UBE2V2: variants seen among roughly 807,000 people sequenced by gnomAD.
UBE2V2 encodes ubiquitin-conjugating enzyme E2 variant 2.
Under a neutral mutation model 17.2 loss-of-function variants are expected in UBE2V2, and 9 were observed. That is an observed-to-expected ratio of 0.52 (90% CI 0.32 to 0.91). The LOEUF is 0.91. Ranked by LOEUF, UBE2V2 falls within the 40% of genes least tolerant of loss-of-function variation. The pLI, the probability that UBE2V2 is intolerant of heterozygous loss-of-function variation, is 0.04. For missense variants in UBE2V2, 133 were observed against 182.6 expected, an observed-to-expected ratio of 0.73 and a Z score of 1.56; for synonymous variants, 61 against 57.5, an observed-to-expected ratio of 1.06 and a Z score of -0.28.
At chr8:48,028,109 C>G (rs1381536720) in intron 1 of UBE2V2, among the ~76,000 whole-genome samples, 14 of 152,112 alleles carry the variant, frequency 9.2e-5, no homozygotes, top group African/African-American at 3.4e-4. Context: ...GCCTTGGCCT[C>G]CCAAAGTGCT....
rs184020860 is a variant in UBE2V2, at chr8:48,047,421, A to T, written c.166-2432A>T. ...CTGTCCCCATCTTTAAAATAGAAAC[A>T]GTGTGAGAATTAAGTGAAATAATGA... On this transcript the variant is annotated intron_variant, in intron 2 of 3. Coordinates refer to ENST00000523111, the MANE Select transcript of UBE2V2 (RefSeq NM_003350.3). Among the ~76,000 whole-genome samples, 234 of 152,352 alleles carry T rather than the reference A, an allele frequency of 1.5e-3. 3 individuals are homozygous for T. In the South Asian group the frequency reaches 0.017, roughly 11 times the overall value.
At chr8:48,056,293 G>T (rs2154508154) in intron 3 of UBE2V2, among the ~76,000 whole-genome samples, 1 of 152,156 alleles carries the variant, frequency 6.6e-6, no homozygotes, top group African/African-American at 2.4e-5. Context: ...TGGCTATCAT[G>T]AATACTGTTG....
the UBE2V2 span, among the ~76,000 whole-genome samples, chr8:47,998,374 T>C: frequency 2.0e-5 from 3 of 151,868 alleles, no homozygotes; most frequent in Non-Finnish European, 4.4e-5. Flanking sequence ...GCGTTCCCTT[T>C]CCTGGGGAAC....
At chr8:48,046,968 T>C (rs2091504084) in intron 2 of UBE2V2, among the ~76,000 whole-genome samples, 1 of 151,572 alleles carries the variant, frequency 6.6e-6, no homozygotes. Flanking sequence ...GAGATGGAGC[T>C]TTGCTCTTGT....
intron 1 of UBE2V2, among the ~76,000 whole-genome samples, chr8:48,011,164 G>C (rs746344977): frequency 6.6e-6 from 1 of 152,032 alleles, no homozygotes; most frequent in Non-Finnish European, 1.5e-5. Context: ...GAGCTACATC[G>C]ATGTAATGCA....
intron 1 of UBE2V2, among the ~76,000 whole-genome samples, chr8:48,038,158 A>G (rs1054913529): frequency 6.6e-6 from 1 of 152,212 alleles, no homozygotes; most frequent in African/African-American, 2.4e-5. Context: ...GAATACACAT[A>G]TACCCACCCT....
At position 48,060,879 on chromosome 8, in the gene UBE2V2, A is replaced by G. The variant is rs750772816; in HGVS notation, c.*51A>G. Reference sequence around the variant, plus strand: ...AAATCAACAACCTTCTACTCATGTTAATGTCTTGATTAAATATCACAATGC... The same window carrying G: ...AAATCAACAACCTTCTACTCATGTTGATGTCTTGATTAAATATCACAATGC... On this transcript the variant is annotated 3_prime_UTR_variant, in exon 4 of 4. Coordinates refer to ENST00000523111, the MANE Select transcript of UBE2V2 (RefSeq NM_003350.3). The G allele has an allele frequency of 4.3e-6, 6 of 1,399,584 alleles. No individual in the cohort carries two copies. In the South Asian group the frequency reaches 1.1e-4, roughly 26 times the overall value. The allele number at this position is 1,399,584 out of a possible 1,614,324, so 86.7% of individuals were successfully genotyped here.
intron 1 of UBE2V2, among the ~76,000 whole-genome samples, chr8:48,029,503 T>G (rs1030704779): frequency 2.6e-5 from 4 of 152,174 alleles, no homozygotes; most frequent in African/African-American, 9.6e-5. Context: ...CCAGGTGAGG[T>G]TTAATCTCAC....
chr8:48,007,169 G>C (rs182991795), upstream of UBE2V2, among the ~76,000 whole-genome samples: 89 of 151,902 alleles, frequency 5.9e-4, no homozygotes, highest in Non-Finnish European at 1.2e-3. Context: ...ATCCATGCCC[G>C]GCCAAAAGCA....
chr8:48,035,003 CTTACATGATGG>C, intron 1 of UBE2V2: 1 of 984,474 alleles, frequency 1.0e-6, no homozygotes, highest in African/African-American at 1.7e-5. Flanking sequence ...GTTCAGAATT[CTTACATGATGG>C]TTGGCTTCCA....
In UBE2V2 at chr8:48,064,144, A is replaced by G. The variant is rs576510901; in HGVS notation, c.*3316A>G. The G allele has an allele frequency of 6.6e-6, 1 of 152,334 alleles. No individual in the cohort carries two copies. The highest frequency in any genetic ancestry group is 2.4e-5 in the African/African-American group (1 of 41,572). 9.4% of individuals were successfully genotyped at this position (152,334 alleles called of 1,614,324 possible). A position where few individuals can be genotyped will look rare whatever the true frequency, so the allele number is the denominator to read the frequency against. Reference sequence around the variant, plus strand: ...GTACTGATGATAAAGTCTAGTATGCATAATAGGATTTTGGAGGCATTTCAG... The same window carrying G: ...GTACTGATGATAAAGTCTAGTATGCGTAATAGGATTTTGGAGGCATTTCAG... On this transcript the variant is annotated 3_prime_UTR_variant, in exon 4 of 4. Coordinates refer to ENST00000523111, the MANE Select transcript of UBE2V2 (RefSeq NM_003350.3).
the UBE2V2 span, among the ~76,000 whole-genome samples, chr8:48,000,286 CAT>C: frequency 2.0e-5 from 3 of 152,188 alleles, no homozygotes; most frequent in African/African-American, 7.2e-5. Context: ...CTTATCATGA[CAT>C]GTGTGGCTAA....
chr8:48,041,235 G>A (rs571857238), intron 1 of UBE2V2, among the ~76,000 whole-genome samples: 6 of 150,150 alleles, frequency 4.0e-5, no homozygotes, highest in Non-Finnish European at 5.9e-5. Flanking sequence ...GCAGTGGTGC[G>A]ATCTCGGCTC....
At chr8:48,012,689 G>A (rs1589848632) in intron 1 of UBE2V2, among the ~76,000 whole-genome samples, 1 of 151,642 alleles carries the variant, frequency 6.6e-6, no homozygotes, top group Non-Finnish European at 1.5e-5. Context: ...TTGCATTCCA[G>A]CCTGGGTAAG....
chr8:48,040,284 C>T (rs191620548), intron 1 of UBE2V2, among the ~76,000 whole-genome samples: 1 of 152,236 alleles, frequency 6.6e-6, no homozygotes, highest in East Asian at 1.9e-4. Flanking sequence ...TCAACTAGGA[C>T]ATTTTCTTAC....
the UBE2V2 span, among the ~76,000 whole-genome samples, chr8:48,001,188 G>T: frequency 4.6e-5 from 7 of 152,178 alleles, no homozygotes; most frequent in South Asian, 2.1e-4. Flanking sequence ...CTCAGAGCCC[G>T]CTTAGCATTG....
intron 3 of UBE2V2, among the ~76,000 whole-genome samples, chr8:48,058,244 G>GCA (rs2091585621): frequency 2.0e-5 from 3 of 151,996 alleles, no homozygotes; most frequent in Non-Finnish European, 4.4e-5. Flanking sequence ...TGAGGCGGGT[G>GCA]GATCATGAGG....
At chr8:48,012,518 A>G (rs573574767) in intron 1 of UBE2V2, among the ~76,000 whole-genome samples, 72 of 152,092 alleles carry the variant, frequency 4.7e-4, no homozygotes, top group Non-Finnish European at 9.4e-4. Context: ...CGGGAGGTTG[A>G]GACCAGCTGG....
chr8:48,035,338 C>T (rs2091415067), intron 1 of UBE2V2, among the ~76,000 whole-genome samples: 1 of 151,766 alleles, frequency 6.6e-6, no homozygotes, highest in Admixed American at 6.6e-5. Context: ...ACAGGCTGGT[C>T]ACAAACTCCT....
Sources: allele counts gnomAD v4.1 joint callset (sites outside exome capture counted in the v4.1 genomes callset), GRCh38; gene constraint gnomAD v4.1.1; transcripts MANE v1.5; gene names NCBI Gene and HGNC (gene_info 2026-07-23, HGNC 2026-07-21).